Variants in CNTNAP2 observed in about 807,000 individuals in gnomAD.
The protein encoded by CNTNAP2 is contactin-associated protein-like 2.
In CNTNAP2, 98 loss-of-function variants were observed where a neutral mutation model predicts 155.2. The observed-to-expected ratio is 0.63, with a 90% CI of 0.54 to 0.75. The LOEUF (loss-of-function observed/expected upper bound fraction) is 0.75. Ranked by LOEUF, CNTNAP2 falls within the 30% of genes least tolerant of loss-of-function variation. The pLI, the probability that CNTNAP2 is intolerant of heterozygous loss-of-function variation, is 0.00. For synonymous variants in CNTNAP2, 651 were observed against 631.2 expected (o/e 1.03, Z -0.47); for missense variants, 1,727 against 1,688.1 (o/e 1.02, Z -0.40).
At chr7:146,304,769 G>A (rs1028784836) in intron 1 of CNTNAP2, among the ~76,000 whole-genome samples, 2 of 152,014 alleles carry the variant, frequency 1.3e-5, no homozygotes, top group Admixed American at 6.6e-5. Flanking sequence ...TCTTCTCGAG[G>A]AGTATCTTTG....
chr7:146,841,264 G>T (rs1803716481), intron 3 of CNTNAP2, among the ~76,000 whole-genome samples: 1 of 147,798 alleles, frequency 6.8e-6, no homozygotes, highest in Admixed American at 6.6e-5. Flanking sequence ...TTAAGAAGGG[G>T]ATAGAGGAAG....
intron 1 of CNTNAP2, among the ~76,000 whole-genome samples, chr7:146,247,843 G>C (rs1258907811): frequency 1.3e-5 from 2 of 152,148 alleles, no homozygotes; most frequent in Admixed American, 6.6e-5. Context: ...GTTGCCCATA[G>C]TGAAGGAGGC....
At chr7:147,530,186 C>CTTTTT (rs35151574) in intron 11 of CNTNAP2, among the ~76,000 whole-genome samples, 59 of 136,382 alleles carry the variant, frequency 4.3e-4, no homozygotes, top group Admixed American at 2.5e-3. Context: ...GCAAAAGGCA[C>CTTTTT]TTTTTTTTTT....
At chr7:148,359,026 T>A (rs80073732) in intron 21 of CNTNAP2, among the ~76,000 whole-genome samples, 2,971 of 152,330 alleles carry the variant, frequency 0.02, 94 homozygotes, top group African/African-American at 0.068. Context: ...ACAGTGGTGG[T>A]CCTATGAGAT....
At chr7:146,792,627 A>G (rs1006873845) in intron 2 of CNTNAP2, among the ~76,000 whole-genome samples, 127 of 152,302 alleles carry the variant, frequency 8.3e-4, no homozygotes, top group African/African-American at 3.0e-3. Flanking sequence ...ACCACTAAAG[A>G]TTCATTTGCA....
At chr7:146,998,638 C>T (rs540746370) in intron 3 of CNTNAP2, among the ~76,000 whole-genome samples, 18 of 152,014 alleles carry the variant, frequency 1.2e-4, no homozygotes, top group Admixed American at 2.6e-4. Flanking sequence ...GTGATGAAGT[C>T]GCTTACTCTT....
intron 8 of CNTNAP2, among the ~76,000 whole-genome samples, chr7:147,285,733 A>G (rs938745770): frequency 9.2e-5 from 14 of 152,062 alleles, no homozygotes; most frequent in Non-Finnish European, 1.6e-4. Flanking sequence ...AGAAGAGGCA[A>G]GGTGCTCTGT....
chr7:146,566,496 T>A (rs937866400), intron 1 of CNTNAP2, among the ~76,000 whole-genome samples: 3 of 151,612 alleles, frequency 2.0e-5, no homozygotes, highest in Non-Finnish European at 4.4e-5. Flanking sequence ...GATCACGAGG[T>A]CAGGCTGACC....
At chr7:147,272,664 A>ATTTTTTTTTT (rs71182188) in intron 8 of CNTNAP2, among the ~76,000 whole-genome samples, 22 of 138,944 alleles carry the variant, frequency 1.6e-4, no homozygotes, top group South Asian at 4.6e-4. Flanking sequence ...CGCCCGGCTA[A>ATTTTTTTTTT]TTTTTTTTTT....
At position 148,383,815 on chromosome 7, in the gene CNTNAP2, C is replaced by T. The variant is rs200044865; in HGVS notation, c.3642C>T (p.Cys1214=). 2.0e-5 allele frequency: 32 copies of T among 1,614,098 alleles called. No individual in the cohort carries two copies. The East Asian group carries it at 4.7e-4, about 24-fold the overall frequency. The change falls in exon 22 of 24, where the codon TGC becomes TGT. Residue 1214 remains cysteine, a synonymous_variant. Coordinates refer to ENST00000361727, the MANE Select transcript of CNTNAP2 (RefSeq NM_014141.6). ...HIQGELVESN[C]GASPLTLSPM... is the part of the protein sequence containing the mutation. Reference sequence around the variant, plus strand: ...AGGGCGAGCTGGTGGAGTCCAACTGCGGGGCCTCGCCGCTGACCCTCTCCC... The same window carrying T: ...AGGGCGAGCTGGTGGAGTCCAACTGTGGGGCCTCGCCGCTGACCCTCTCCC...
chr7:148,033,654 C>T (rs1187835431), intron 15 of CNTNAP2, among the ~76,000 whole-genome samples: 1 of 152,178 alleles, frequency 6.6e-6, no homozygotes, highest in Non-Finnish European at 1.5e-5. Flanking sequence ...TTTGACTGCA[C>T]ATATTAGCTT....
chr7:147,251,906 T>C (rs1476034456), intron 8 of CNTNAP2, among the ~76,000 whole-genome samples: 4 of 152,182 alleles, frequency 2.6e-5, no homozygotes, highest in African/African-American at 7.2e-5. Flanking sequence ...GTTGGACAAG[T>C]TTGTTCCTAA....
intron 13 of CNTNAP2, among the ~76,000 whole-genome samples, chr7:147,809,369 A>G (rs943824131): frequency 6.6e-6 from 1 of 152,240 alleles, no homozygotes; most frequent in Non-Finnish European, 1.5e-5. Context: ...GCTGGGCACT[A>G]GTGCTAATCC....
intron 14 of CNTNAP2, among the ~76,000 whole-genome samples, chr7:147,945,823 G>A (rs73464213): frequency 0.031 from 4,687 of 149,554 alleles, 262 homozygotes; most frequent in African/African-American, 0.11. Context: ...ACCATTCTTC[G>A]CATTCCCCAC....
At chr7:146,537,617 G>A (rs139828246) in intron 1 of CNTNAP2, among the ~76,000 whole-genome samples, 1 of 152,078 alleles carries the variant, frequency 6.6e-6, no homozygotes, top group Non-Finnish European at 1.5e-5. Context: ...GCGATTTTAA[G>A]TTGGGTGGTA....
At chr7:147,915,751 G>A (rs1042356961) in intron 14 of CNTNAP2, among the ~76,000 whole-genome samples, 9 of 149,384 alleles carry the variant, frequency 6.0e-5, no homozygotes, top group South Asian at 2.2e-4. Flanking sequence ...TCTGGGTGGC[G>A]GGCGGGGGTG....
chr7:146,436,630 A>G (rs1318409162), intron 1 of CNTNAP2, among the ~76,000 whole-genome samples: 1 of 152,230 alleles, frequency 6.6e-6, no homozygotes, highest in Non-Finnish European at 1.5e-5. Flanking sequence ...GTTTAGAAGA[A>G]ACAAAAACAC....
chr7:147,005,474 A>G (rs1315083394), intron 3 of CNTNAP2, among the ~76,000 whole-genome samples: 1 of 152,072 alleles, frequency 6.6e-6, no homozygotes, highest in Non-Finnish European at 1.5e-5. Flanking sequence ...TAAAAGCAAA[A>G]AGAAGTTTAT....
Position 146,563,278 on chromosome 7 carries a change from T to C in CNTNAP2, c.98-210993T>C, listed in dbSNP as rs375313458. Among the ~76,000 whole-genome samples the C allele has an allele frequency of 5.9e-5, 9 of 152,276 alleles. No homozygotes were observed. The South Asian group carries it at 1.9e-3, about 32-fold the overall frequency. Reference sequence around the variant, plus strand: ...CCTCATGGCTGGAAGGTCTCATTTTTTTTTCTGTCCTTTAGATATTAATCA... The same window carrying C: ...CCTCATGGCTGGAAGGTCTCATTTTCTTTTCTGTCCTTTAGATATTAATCA... On this transcript the variant is annotated intron_variant, in intron 1 of 23. Coordinates refer to ENST00000361727, the MANE Select transcript of CNTNAP2 (RefSeq NM_014141.6).
Sources: gnomAD v4.1 joint callset for allele counts (sites outside exome capture counted in the v4.1 genomes callset) on GRCh38, gnomAD v4.1.1 for gene constraint, MANE v1.5 for transcripts, NCBI Gene and HGNC (gene_info 2026-07-23, HGNC 2026-07-21) for gene names.